Variants in CRTAC1 observed in about 807,000 individuals in gnomAD.
CRTAC1 encodes the protein acidic secreted protein in cartilage.
In CRTAC1, 37 loss-of-function variants were observed where a neutral mutation model predicts 67.8. The ratio of observed to expected loss-of-function variants is 0.55; its 90% CI spans 0.42 to 0.72. CRTAC1 has a LOEUF of 0.72. CRTAC1 is among the 30% of genes least tolerant of loss of function. CRTAC1 has a pLI of 0.00. For missense variants in CRTAC1, 780 were observed against 931.6 expected (o/e 0.84, Z 2.12); for synonymous variants, 348 against 371.0 (o/e 0.94, Z 0.71).
At chr10:97,875,504 T>C (rs2050137110) in intron 14 of CRTAC1, among the ~76,000 whole-genome samples, 1 of 152,228 alleles carries the variant, frequency 6.6e-6, no homozygotes, top group East Asian at 1.9e-4. Context: ...CCATGTTCTC[T>C]TGCCTTCCTT....
chr10:98,005,100 A>ATATATTTTTTTTTTTTTTTTTTTT, intron 2 of CRTAC1, among the ~76,000 whole-genome samples: 1 of 48,926 alleles, frequency 2.0e-5, no homozygotes, highest in Non-Finnish European at 3.5e-5. Flanking sequence ...ATATATATAT[A>ATATATTTTTTTTTTTTTTTTTTTT]TTTTTTTTTT....
chr10:98,030,598 C>A lies in CRTAC1; in HGVS notation c.-126G>T. Reference sequence around the variant, plus strand: ...CGGGCTGGCCTCGAGCCTCCCGCCCCGACGCCGCGCGCTCGCTTTATACAA... The same window carrying A: ...CGGGCTGGCCTCGAGCCTCCCGCCCAGACGCCGCGCGCTCGCTTTATACAA... On this transcript the variant is annotated 5_prime_UTR_variant, in exon 1 of 15. Transcript: ENST00000370597. The surrounding 1 kb of genome is among the most constrained non-coding windows in gnomAD (Gnocchi z 4.2). The A allele has an allele frequency of 5.8e-6, 3 of 516,800 alleles. No homozygotes were observed. Among genetic ancestry groups the A allele is most frequent in the Admixed American group, 4.5e-5 (1 of 22,046 alleles). The allele number at this position is 516,800 out of a possible 1,614,324, so 32.0% of individuals were successfully genotyped here.
At chr10:97,932,291 A>T (rs1261115952) in intron 3 of CRTAC1, among the ~76,000 whole-genome samples, 2 of 152,196 alleles carry the variant, frequency 1.3e-5, no homozygotes, top group Non-Finnish European at 2.9e-5. Context: ...TGGAGGGCTT[A>T]TAAAGTCCTG....
chr10:97,903,216 T>C (rs888602567), intron 7 of CRTAC1, among the ~76,000 whole-genome samples: 1 of 147,192 alleles, frequency 6.8e-6, no homozygotes, highest in African/African-American at 2.5e-5. Context: ...TAATCCTTTG[T>C]TGTGGGGCTG....
At chr10:97,934,919 G>A (rs1373786082) in intron 3 of CRTAC1, among the ~76,000 whole-genome samples, 1 of 147,244 alleles carries the variant, frequency 6.8e-6, no homozygotes, top group Non-Finnish European at 1.5e-5. Flanking sequence ...GAGATCCTGA[G>A]AGCTGAGCCT....
At chr10:97,878,636 C>T in intron 14 of CRTAC1, 1 of 1,304,072 alleles carries the variant, frequency 7.7e-7, no homozygotes, top group Non-Finnish European at 1.0e-6. Flanking sequence ...GTTCTGGCTA[C>T]AGGAGCATTC....
In CRTAC1 at chr10:98,009,354, C is replaced by CT. The variant is rs199659329; in HGVS notation, c.224+1783dup. Among the ~76,000 whole-genome samples, 1,265 of 152,274 alleles carry CT rather than the reference C, an allele frequency of 8.3e-3. 6 individuals are homozygous for CT. Among genetic ancestry groups the CT allele is most frequent in the Non-Finnish European group, 0.014 (938 of 68,020 alleles). On this transcript the variant is annotated intron_variant, in intron 2 of 14. Transcript: ENST00000370597. ...ATTTACATCATCACAGAAAATGCTT[C>CT]TGGATAGCACACCAATCTACATCTA...
At chr10:97,937,087 C>A (rs1423873468) in intron 2 of CRTAC1, among the ~76,000 whole-genome samples, 1 of 152,188 alleles carries the variant, frequency 6.6e-6, no homozygotes, top group Non-Finnish European at 1.5e-5. Flanking sequence ...ATTAGACAGA[C>A]CTGCTGGATC....
At chr10:97,924,816 G>A (rs1037383867) in intron 3 of CRTAC1, among the ~76,000 whole-genome samples, 5 of 152,210 alleles carry the variant, frequency 3.3e-5, no homozygotes, top group Non-Finnish European at 7.3e-5. Flanking sequence ...CAGGGGTTTG[G>A]TGAAAACCAG....
At chr10:97,997,157 G>A (rs911822857) in intron 2 of CRTAC1, among the ~76,000 whole-genome samples, 5 of 149,020 alleles carry the variant, frequency 3.4e-5, no homozygotes, top group South Asian at 2.1e-4. Context: ...AATGGGTGCA[G>A]CACACCAGCA....
At chr10:97,924,468 TGAG>T (rs1430248155) in intron 3 of CRTAC1, among the ~76,000 whole-genome samples, 2 of 152,094 alleles carry the variant, frequency 1.3e-5, no homozygotes, top group Non-Finnish European at 2.9e-5. Context: ...AGGCTTAGAC[TGAG>T]GAGAGACAGC....
chr10:98,011,937 C>G, intron 1 of CRTAC1, among the ~76,000 whole-genome samples: 1 of 152,088 alleles, frequency 6.6e-6, no homozygotes, highest in East Asian at 1.9e-4. Flanking sequence ...AGATCTAGAA[C>G]AATAATAGAT....
At chr10:97,987,904 A>G (rs1224693191) in intron 2 of CRTAC1, among the ~76,000 whole-genome samples, 1 of 152,006 alleles carries the variant, frequency 6.6e-6, no homozygotes, top group Non-Finnish European at 1.5e-5. Flanking sequence ...CAACCACACA[A>G]TGTCCCTGAA....
intron 2 of CRTAC1, among the ~76,000 whole-genome samples, chr10:97,951,271 G>A (rs750920458): frequency 6.6e-6 from 1 of 152,178 alleles, no homozygotes; most frequent in South Asian, 2.1e-4. Flanking sequence ...TGCAGCTAGT[G>A]GGGGTAGGAC....
intron 2 of CRTAC1, among the ~76,000 whole-genome samples, chr10:97,939,204 G>A (rs886589238): frequency 3.3e-5 from 5 of 152,172 alleles, no homozygotes; most frequent in African/African-American, 1.2e-4. Context: ...TTGGAGTCCA[G>A]TCCTTCTACC....
At position 97,876,345 on chromosome 10, in the gene CRTAC1, TA is replaced by T. The variant is rs756282242; in HGVS notation, c.1819+3903del. Among the ~76,000 whole-genome samples the T allele has an allele frequency of 2.6e-5, 4 of 152,342 alleles. No individual in the cohort carries two copies. The East Asian group carries it at 5.8e-4, about 22-fold the overall frequency. On this transcript the variant is annotated intron_variant, in intron 14 of 14. Transcript: ENST00000370597. ...TGAGGATTAAACGAGTTGATTATTG[TA>T]AAGAGTTTAGATTCAACCCAGACAC...
intron 2 of CRTAC1, among the ~76,000 whole-genome samples, chr10:97,957,004 T>C (rs951437339): frequency 2.0e-5 from 3 of 150,846 alleles, no homozygotes; most frequent in African/African-American, 7.3e-5. Flanking sequence ...TTGGCAGAGA[T>C]ATGGTCTCAC....
chr10:98,001,561 AT>A (rs1369493469), intron 2 of CRTAC1, among the ~76,000 whole-genome samples: 2 of 151,940 alleles, frequency 1.3e-5, no homozygotes, highest in African/African-American at 4.8e-5. Context: ...AAAAAAAAAA[AT>A]GTGACTTAGG....
At chr10:97,907,950 G>A in intron 6 of CRTAC1, 63 bp downstream of exon 6, 1 of 1,587,870 alleles carries the variant, frequency 6.3e-7, no homozygotes, top group South Asian at 1.1e-5. Flanking sequence ...AGGGCAGTCT[G>A]GAGTCCTCTG....
Sources: allele counts gnomAD v4.1 joint callset (sites outside exome capture counted in the v4.1 genomes callset), GRCh38; gene constraint gnomAD v4.1.1; non-coding constraint Gnocchi (gnomAD v3.1); transcripts MANE v1.5; gene names NCBI Gene and HGNC (gene_info 2026-07-23, HGNC 2026-07-21).